The following LRRTM4 variants were observed in gnomAD, a reference collection of about 807,000 sequenced individuals.
LRRTM4 encodes the protein leucine rich repeat transmembrane neuronal 4.
LRRTM4 carries 25 observed loss-of-function variants against 47.6 expected under a neutral mutation model. That is an observed-to-expected ratio of 0.53 (90% CI 0.38 to 0.73). The LOEUF (loss-of-function observed/expected upper bound fraction) is 0.73. LRRTM4 is among the 30% of genes least tolerant of loss of function. The probability of loss-of-function intolerance (pLI) is 0.00; values close to 1 mark genes in which losing one functional copy is unlikely to be tolerated. For missense variants in LRRTM4, 638 were observed against 713.4 expected, an observed-to-expected ratio of 0.89 and a Z score of 1.20; for synonymous variants, 311 against 269.5, an observed-to-expected ratio of 1.15 and a Z score of -1.51.
chr2:77,070,270 T>G (rs1452839058), intron 3 of LRRTM4, among the ~76,000 whole-genome samples: 1 of 152,150 alleles, frequency 6.6e-6, no homozygotes, highest in Non-Finnish European at 1.5e-5. Flanking sequence ...CTCCACAGGT[T>G]GCTGCATGAC....
intron 3 of LRRTM4, among the ~76,000 whole-genome samples, chr2:76,955,602 G>A (rs1047192059): frequency 1.3e-5 from 2 of 151,798 alleles, no homozygotes; most frequent in Non-Finnish European, 2.9e-5. Flanking sequence ...CATATGTTGA[G>A]TTCTCAATTC....
intron 3 of LRRTM4, among the ~76,000 whole-genome samples, chr2:77,042,753 C>T (rs1679080075): frequency 6.6e-6 from 1 of 151,608 alleles, no homozygotes; most frequent in Admixed American, 6.6e-5. Context: ...AGAGCATTTC[C>T]AGTGCTAGAA....
Position 77,137,213 on chromosome 2 carries a change from G to C in LRRTM4, c.1551+381105C>G, listed in dbSNP as rs931521723. On this transcript the variant is annotated intron_variant, in intron 3 of 3. Transcript: ENST00000409884. ...ATGAAATGAAGGAAAAAATGTTAAGGGCAGCCAGAAAGAAAGCTTGGGTTA... is the reference window on the plus strand; with the variant it reads ...ATGAAATGAAGGAAAAAATGTTAAGCGCAGCCAGAAAGAAAGCTTGGGTTA... Among the ~76,000 whole-genome samples, 39 of 151,804 alleles carry C rather than the reference G, an allele frequency of 2.6e-4. 2 individuals are homozygous for C. Among genetic ancestry groups the C allele is most frequent in the Admixed American group, 2.6e-4 (4 of 15,256 alleles).
chr2:77,153,207 G>T (rs759012101), intron 3 of LRRTM4, among the ~76,000 whole-genome samples: 3 of 152,104 alleles, frequency 2.0e-5, no homozygotes, highest in Non-Finnish European at 4.4e-5. Context: ...TCCTAACGAG[G>T]TACTGAGGTG....
chr2:77,211,505 C>T (rs2103923479), intron 3 of LRRTM4, among the ~76,000 whole-genome samples: 1 of 152,232 alleles, frequency 6.6e-6, no homozygotes, highest in African/African-American at 2.4e-5. Context: ...CCACCCATAA[C>T]TTTATTTTGC....
intron 3 of LRRTM4, among the ~76,000 whole-genome samples, chr2:76,825,494 G>T (rs918636344): frequency 1.3e-5 from 2 of 151,668 alleles, no homozygotes; most frequent in African/African-American, 4.8e-5. Flanking sequence ...GGATGGAGTT[G>T]TCATTTACTG....
chr2:77,300,931 G>A (rs1301421941), intron 3 of LRRTM4, among the ~76,000 whole-genome samples: 1 of 151,976 alleles, frequency 6.6e-6, no homozygotes, highest in Non-Finnish European at 1.5e-5. Flanking sequence ...TGTGCTAAAT[G>A]GAATTTTTTT....
In LRRTM4 at chr2:76,979,541, G is replaced by GTATATATATATATATATATA. The variant is rs70939837; in HGVS notation, c.1552-230626_1552-230625insTATATATATATATATATATA. 9.1e-3 allele frequency among the ~76,000 whole-genome samples: 1,155 copies of GTATATATATATATATATATA among 126,848 alleles called. 42 individuals carry two copies. The highest frequency in any genetic ancestry group is 0.075 in the East Asian group (355 of 4,728). 83.2% of individuals were successfully genotyped at this position (126,848 alleles called of 152,430 possible). A position where few individuals can be genotyped will look rare whatever the true frequency, so the allele number is the denominator to read the frequency against. Reference sequence around the variant, plus strand: ...ATTCAGACTGCAAAACTGAATTTCTGTATATATATATGCTCTTCCTCTATA... The same window carrying GTATATATATATATATATATA: ...ATTCAGACTGCAAAACTGAATTTCTGTATATATATATATATATATATATATATATATGCTCTTCCTCTATA... On this transcript the variant is annotated intron_variant, in intron 3 of 3. Coordinates refer to ENST00000409884, the MANE Select transcript of LRRTM4 (RefSeq NM_001134745.3).
chr2:77,205,424 G>A (rs983847891), intron 3 of LRRTM4, among the ~76,000 whole-genome samples: 3 of 152,268 alleles, frequency 2.0e-5, no homozygotes, highest in East Asian at 3.9e-4. Context: ...TGAGGACATG[G>A]CATCTTTCAG....
chr2:77,234,137 G>C (rs918089576), intron 3 of LRRTM4, among the ~76,000 whole-genome samples: 3 of 152,098 alleles, frequency 2.0e-5, no homozygotes, highest in Non-Finnish European at 2.9e-5. Flanking sequence ...CAGATATACA[G>C]TACTAGATGT....
intron 3 of LRRTM4, among the ~76,000 whole-genome samples, chr2:76,937,949 G>A: frequency 6.6e-6 from 1 of 152,098 alleles, no homozygotes; most frequent in East Asian, 1.9e-4. Flanking sequence ...TACGAAAAAT[G>A]GAGGAGCTAA....
At position 76,756,756 on chromosome 2, in the gene LRRTM4, A is replaced by T. The variant is rs187219326; in HGVS notation, c.1552-7840T>A. Among the ~76,000 whole-genome samples, 8 of 152,278 alleles carry T rather than the reference A, an allele frequency of 5.3e-5. No individual in the cohort carries two copies. The East Asian group carries it at 9.7e-4, about 18-fold the overall frequency. On this transcript the variant is annotated intron_variant, in intron 3 of 3. Coordinates refer to ENST00000409884, the MANE Select transcript of LRRTM4 (RefSeq NM_001134745.3). ...TACACAAAAATCTCCCTCCCTAAAG[A>T]GAAGCTATAATAGAGAAAAATCTGC...
intron 3 of LRRTM4, among the ~76,000 whole-genome samples, chr2:76,750,985 A>G (rs1196725339): frequency 6.6e-6 from 1 of 151,180 alleles, no homozygotes; most frequent in Non-Finnish European, 1.5e-5. Context: ...ATTAGCTAGA[A>G]TAGAAAGTAT....
chr2:76,988,191 C>T (rs1007740385), intron 3 of LRRTM4, among the ~76,000 whole-genome samples: 6 of 151,732 alleles, frequency 4.0e-5, no homozygotes, highest in South Asian at 2.1e-4. Context: ...CCAAATGCTT[C>T]GTCTTCCTAT....
At chr2:77,003,337 A>C (rs958395359) in intron 3 of LRRTM4, among the ~76,000 whole-genome samples, 1 of 152,020 alleles carries the variant, frequency 6.6e-6, no homozygotes, top group Non-Finnish European at 1.5e-5. Flanking sequence ...ATATACTAGG[A>C]AGTTGATATG....
At chr2:77,374,765 A>G (rs1327594108) in intron 3 of LRRTM4, among the ~76,000 whole-genome samples, 2 of 151,810 alleles carry the variant, frequency 1.3e-5, no homozygotes, top group African/African-American at 4.8e-5. Flanking sequence ...ATGCAGTATC[A>G]AATATTCTGT....
chr2:76,756,356 G>C (rs934620371), intron 3 of LRRTM4, among the ~76,000 whole-genome samples: 2 of 152,074 alleles, frequency 1.3e-5, no homozygotes, highest in African/African-American at 4.8e-5. Flanking sequence ...ATTGATTCAT[G>C]AGTTTGCCTG....
At chr2:77,050,168 A>G (rs185328543) in intron 3 of LRRTM4, among the ~76,000 whole-genome samples, 3 of 119,300 alleles carry the variant, frequency 2.5e-5, no homozygotes, top group Non-Finnish European at 4.9e-5. Flanking sequence ...AATTCATTCT[A>G]AGCAATACAA....
chr2:76,789,410 A>G (rs1423340858), intron 3 of LRRTM4, among the ~76,000 whole-genome samples: 2 of 152,094 alleles, frequency 1.3e-5, no homozygotes, highest in African/African-American at 4.8e-5. Context: ...TTTTCCCAAA[A>G]CAATCAACTT....
Sources: allele counts gnomAD v4.1 joint callset (sites outside exome capture counted in the v4.1 genomes callset), GRCh38; gene constraint gnomAD v4.1.1; transcripts MANE v1.5; gene names NCBI Gene and HGNC (gene_info 2026-07-23, HGNC 2026-07-21).